The following GALNT17 variants were observed in gnomAD, a reference collection of about 807,000 sequenced individuals.
GALNT17 encodes polypeptide N-acetylgalactosaminyltransferase 17, also known as UDP-GalNAc:polypeptide N-acetylgalactosaminyltransferase-like 3.
A neutral mutation model predicts 63.7 loss-of-function variants in GALNT17; 29 were observed. That is an observed-to-expected ratio of 0.46 (90% CI 0.34 to 0.62). The LOEUF is 0.62. Among genes scored for constraint, GALNT17 ranks in the 20% least tolerant of loss-of-function variants. The pLI is 0.01. For synonymous variants in GALNT17, 305 were observed against 318.3 expected (o/e 0.96, Z 0.45); for missense variants, 603 against 799.6 (o/e 0.75, Z 2.97).
intron 1 of GALNT17, among the ~76,000 whole-genome samples, chr7:71,292,220 A>G (rs1043252850): frequency 6.6e-6 from 1 of 152,212 alleles, no homozygotes. Flanking sequence ...AGGCTGAGAA[A>G]CGAACTGGCT....
chr7:71,483,240 GC>G (rs1435825891), intron 5 of GALNT17, among the ~76,000 whole-genome samples: 2 of 152,198 alleles, frequency 1.3e-5, no homozygotes, highest in Non-Finnish European at 2.9e-5. Flanking sequence ...GGAGGCCAAG[GC>G]AGGCGGATCA....
At chr7:71,335,241 C>T (rs1300841461) in intron 1 of GALNT17, among the ~76,000 whole-genome samples, 5 of 152,142 alleles carry the variant, frequency 3.3e-5, no homozygotes, top group African/African-American at 9.7e-5. Context: ...AAGAGATTCT[C>T]CTGCCTCAGC....
intron 1 of GALNT17, among the ~76,000 whole-genome samples, chr7:71,273,885 G>A (rs1044760277): frequency 6.6e-6 from 1 of 152,080 alleles, no homozygotes; most frequent in African/African-American, 2.4e-5. Flanking sequence ...GAGAATGAGA[G>A]ACACACAGAA....
intron 1 of GALNT17, among the ~76,000 whole-genome samples, chr7:71,235,462 G>A (rs745470964): frequency 1.3e-5 from 2 of 152,108 alleles, no homozygotes; most frequent in South Asian, 2.1e-4. Context: ...AATAAATGAC[G>A]TATGAAATGA....
At chr7:71,696,175 C>T (rs1791540181) in intron 9 of GALNT17, among the ~76,000 whole-genome samples, 1 of 152,164 alleles carries the variant, frequency 6.6e-6, no homozygotes, top group Non-Finnish European at 1.5e-5. Context: ...TGCAGTGGTG[C>T]AGTCATAGTT....
At chr7:71,567,277 T>G (rs73702214) in intron 5 of GALNT17, among the ~76,000 whole-genome samples, 4,781 of 152,246 alleles carry the variant, frequency 0.031, 266 homozygotes, top group African/African-American at 0.11. Flanking sequence ...GTGAACCTGC[T>G]ACACCAGCAG....
At chr7:71,672,686 G>T (rs1414585214) in intron 8 of GALNT17, among the ~76,000 whole-genome samples, 1 of 152,062 alleles carries the variant, frequency 6.6e-6, no homozygotes, top group Non-Finnish European at 1.5e-5. Context: ...CGAGTAGCTG[G>T]GATTACAGGC....
In GALNT17 at chr7:71,670,243, G is replaced by C. The variant is rs937658448; in HGVS notation, c.1404+134G>C. On this transcript the variant is annotated intron_variant, in intron 8 of 10. Coordinates refer to ENST00000333538, the MANE Select transcript of GALNT17 (RefSeq NM_022479.3). Reference sequence around the variant, plus strand: ...TTGGAGGTGCTGGCCCTGATAGCAAGATTCTCTCTAGCTGGGGGGTTGGGG... The same window carrying C: ...TTGGAGGTGCTGGCCCTGATAGCAACATTCTCTCTAGCTGGGGGGTTGGGG... 37 of 1,223,512 alleles carry C rather than the reference G, an allele frequency of 3.0e-5. No individual in the cohort carries two copies. In the Admixed American group the frequency reaches 3.4e-4, roughly 11 times the overall value. The allele number at this position is 1,223,512 out of a possible 1,614,324, so 75.8% of individuals were successfully genotyped here.
intron 1 of GALNT17, among the ~76,000 whole-genome samples, chr7:71,171,725 T>C (rs910957552): frequency 1.3e-5 from 2 of 152,180 alleles, no homozygotes; most frequent in African/African-American, 2.4e-5. Flanking sequence ...TGAGGTTGAA[T>C]GTGGAAATGC....
chr7:71,204,307 A>G (rs960366637), intron 1 of GALNT17, among the ~76,000 whole-genome samples: 2 of 152,050 alleles, frequency 1.3e-5, no homozygotes, highest in African/African-American at 4.8e-5. Flanking sequence ...ATATCTTTGT[A>G]CTATATTTTG....
At chr7:71,197,671 C>T (rs2116356186) in intron 1 of GALNT17, among the ~76,000 whole-genome samples, 1 of 152,160 alleles carries the variant, frequency 6.6e-6, no homozygotes, top group African/African-American at 2.4e-5. Context: ...AATTTTTAGC[C>T]TCCACAAATA....
intron 8 of GALNT17, among the ~76,000 whole-genome samples, chr7:71,675,189 A>C (rs1298689288): frequency 2.0e-5 from 3 of 151,918 alleles, no homozygotes; most frequent in African/African-American, 7.3e-5. Flanking sequence ...TCTCAAAAAT[A>C]AAAAATAAAA....
At chr7:71,379,875 C>T (rs531510426) in intron 2 of GALNT17, among the ~76,000 whole-genome samples, 4 of 152,042 alleles carry the variant, frequency 2.6e-5, no homozygotes, top group South Asian at 2.1e-4. Context: ...ACCCAGGACC[C>T]GTTTATGAAG....
At chr7:71,711,202 C>T (rs1791787223) in intron 10 of GALNT17, among the ~76,000 whole-genome samples, 1 of 152,048 alleles carries the variant, frequency 6.6e-6, no homozygotes, top group Admixed American at 6.6e-5. Context: ...CCTTGAAATC[C>T]ACTAAGTACC....
At chr7:71,658,948 A>G (rs1335220202) in intron 6 of GALNT17, among the ~76,000 whole-genome samples, 5 of 151,902 alleles carry the variant, frequency 3.3e-5, no homozygotes, top group African/African-American at 1.2e-4. Flanking sequence ...CACTAAAGCT[A>G]TCAGCTCTTC....
At chr7:71,235,250 C>CG (rs1275265974) in intron 1 of GALNT17, among the ~76,000 whole-genome samples, 1 of 145,114 alleles carries the variant, frequency 6.9e-6, no homozygotes, top group African/African-American at 2.7e-5. Context: ...CACTCCATCT[C>CG]GGAAAAAAAA....
At chr7:71,229,346 T>C (rs73367924) in intron 1 of GALNT17, among the ~76,000 whole-genome samples, 36,863 of 152,154 alleles carry the variant, frequency 0.24, 8,582 homozygotes, top group African/African-American at 0.6. Flanking sequence ...CTTAGCAGAC[T>C]GGCCAGCATT....
chr7:71,230,536 CTG>C (rs61104839), intron 1 of GALNT17, among the ~76,000 whole-genome samples: 17,504 of 152,190 alleles, frequency 0.12, 1,134 homozygotes, highest in Middle Eastern at 0.18. Context: ...GGTCAGAACT[CTG>C]TCACTTGGCC....
At chr7:71,624,119 C>T (rs552701965) in intron 6 of GALNT17, among the ~76,000 whole-genome samples, 4 of 152,266 alleles carry the variant, frequency 2.6e-5, no homozygotes, top group African/African-American at 9.6e-5. Flanking sequence ...CGGTTGGGGT[C>T]AGCAGTGAGG....
Sources: gnomAD v4.1 joint callset for allele counts (sites outside exome capture counted in the v4.1 genomes callset) on GRCh38, gnomAD v4.1.1 for gene constraint, MANE v1.5 for transcripts, NCBI Gene and HGNC (gene_info 2026-07-23, HGNC 2026-07-21) for gene names.